ELOVL2: variants seen among roughly 807,000 people sequenced by gnomAD.
The protein encoded by ELOVL2 is very long chain fatty acid elongase 2.
In ELOVL2, 38 loss-of-function variants were observed where a neutral mutation model predicts 37.7. The ratio of observed to expected loss-of-function variants is 1.01; its 90% CI spans 0.78 to 1.32. The LOEUF (loss-of-function observed/expected upper bound fraction) is 1.32, where lower values mean the gene tolerates loss of function less well. Among genes scored for constraint, ELOVL2 ranks in the 40% most tolerant of loss-of-function variants. ELOVL2 has a pLI of 0.00. For missense variants in ELOVL2, 352 were observed against 363.6 expected, an observed-to-expected ratio of 0.97 and a Z score of 0.26; for synonymous variants, 115 against 122.3, an observed-to-expected ratio of 0.94 and a Z score of 0.40.
chr6:10,993,069 A>G (rs1290409645), intron 5 of ELOVL2, among the ~76,000 whole-genome samples: 1 of 152,048 alleles, frequency 6.6e-6, no homozygotes, highest in African/African-American at 2.4e-5. Context: ...TTATGAAGAA[A>G]ATTTAAATAT....
At chr6:11,020,321 G>A (rs1012280773) in intron 1 of ELOVL2, among the ~76,000 whole-genome samples, 10 of 152,142 alleles carry the variant, frequency 6.6e-5, no homozygotes, top group African/African-American at 2.4e-4. Context: ...TAAGTGAAAA[G>A]TAACTTAAAT....
intron 5 of ELOVL2, among the ~76,000 whole-genome samples, chr6:10,991,986 CTA>C (rs1782168561): frequency 6.6e-6 from 1 of 152,194 alleles, no homozygotes; most frequent in African/African-American, 2.4e-5. Context: ...ATTTACAGGA[CTA>C]TGTCTGTACA....
intron 1 of ELOVL2, among the ~76,000 whole-genome samples, chr6:11,037,907 T>C (rs1286936301): frequency 6.6e-6 from 1 of 152,236 alleles, no homozygotes; most frequent in East Asian, 1.9e-4. Flanking sequence ...TATCCATATC[T>C]ATCTATCCAT....
chr6:11,015,177 G>A (rs921438922), intron 1 of ELOVL2, among the ~76,000 whole-genome samples: 3 of 152,108 alleles, frequency 2.0e-5, no homozygotes, highest in African/African-American at 4.8e-5. Flanking sequence ...ACAGAGAGGA[G>A]ATCAGTGGTT....
At position 10,990,311 on chromosome 6, in the gene ELOVL2, A is replaced by G; in HGVS notation, c.630+7T>C. 1 of 1,608,976 alleles carries G rather than the reference A, an allele frequency of 6.2e-7. No individual in the cohort carries two copies. The highest frequency in any genetic ancestry group is 1.1e-5 in the South Asian group (1 of 89,216). ...ATGGAGAAAAGCTAAAAGAAGGGAC[A>G]ACATACCAGCTGAGCCTGTGTGAGA... On this transcript the variant is annotated splice_region_variant and intron_variant, in intron 6 of 7. Coordinates refer to ENST00000354666, the MANE Select transcript of ELOVL2 (RefSeq NM_017770.4).
chr6:10,989,883 C>T (rs1272894605), intron 6 of ELOVL2, 46 bp from the exon 7 acceptor site: 1 of 1,609,778 alleles, frequency 6.2e-7, no homozygotes, highest in Admixed American at 1.7e-5. Flanking sequence ...CCAGGCTGTG[C>T]CACACAGACA....
intron 1 of ELOVL2, among the ~76,000 whole-genome samples, chr6:11,021,848 T>C (rs1215950565): frequency 6.6e-6 from 1 of 152,200 alleles, no homozygotes; most frequent in African/African-American, 2.4e-5. Context: ...CAGAATCCTC[T>C]GCAAACTGGC....
At chr6:10,997,661 G>T (rs1484905958) in intron 4 of ELOVL2, among the ~76,000 whole-genome samples, 1 of 152,108 alleles carries the variant, frequency 6.6e-6, no homozygotes, top group East Asian at 1.9e-4. Flanking sequence ...CATGCGTTTT[G>T]TTACTGGCAA....
intron 1 of ELOVL2, among the ~76,000 whole-genome samples, chr6:11,036,944 G>C (rs184615716): frequency 2.6e-5 from 4 of 151,638 alleles, no homozygotes; most frequent in Admixed American, 2.6e-4. Flanking sequence ...GAGAGATGGA[G>C]AGGAGAGAGA....
At chr6:10,986,138 G>A (rs555883082) in intron 7 of ELOVL2, among the ~76,000 whole-genome samples, 10 of 152,194 alleles carry the variant, frequency 6.6e-5, no homozygotes, top group African/African-American at 2.4e-4. Context: ...CTCATGATTT[G>A]GCTCTCTGTT....
chr6:11,016,435 C>G (rs1252326094), intron 1 of ELOVL2, among the ~76,000 whole-genome samples: 1 of 152,166 alleles, frequency 6.6e-6, no homozygotes, highest in Non-Finnish European at 1.5e-5. Context: ...AAGACTTTGT[C>G]TTTTCTTTTT....
chr6:11,039,437 T>C (rs1483506906), intron 1 of ELOVL2, among the ~76,000 whole-genome samples: 1 of 152,210 alleles, frequency 6.6e-6, no homozygotes, highest in African/African-American at 2.4e-5. Context: ...TATTTCTCTG[T>C]TACTATTTTT....
intron 1 of ELOVL2, among the ~76,000 whole-genome samples, chr6:11,029,328 C>A (rs1038110026): frequency 6.6e-6 from 1 of 151,252 alleles, no homozygotes; most frequent in Non-Finnish European, 1.5e-5. Context: ...GACACTAAGT[C>A]GCTGCGTAAC....
chr6:11,011,493 A>G (rs375546977), intron 1 of ELOVL2, among the ~76,000 whole-genome samples: 2 of 152,210 alleles, frequency 1.3e-5, no homozygotes, highest in Non-Finnish European at 2.9e-5. Flanking sequence ...TGGGTAGGCA[A>G]TAGAGAACAT....
Position 11,023,689 on chromosome 6 carries a change from C to A in ELOVL2, c.4-12880G>T, listed in dbSNP as rs545162617. On this transcript the variant is annotated intron_variant, in intron 1 of 7. Coordinates refer to ENST00000354666, the MANE Select transcript of ELOVL2 (RefSeq NM_017770.4). The stretch of plus-strand genomic sequence containing the variant: ...CCTGCTGAATGAAATCTTCAGCACG[C>A]GCTGTTTTGTTTGGCAGGACATTAC... Among the ~76,000 whole-genome samples, 509 of 152,278 alleles carry A rather than the reference C, an allele frequency of 3.3e-3. 3 individuals are homozygous for A. The highest frequency in any genetic ancestry group is 3.7e-3 in the Non-Finnish European group (253 of 68,018).
intron 1 of ELOVL2, among the ~76,000 whole-genome samples, chr6:11,014,474 A>G (rs1360824518): frequency 6.7e-6 from 1 of 150,166 alleles, no homozygotes; most frequent in Non-Finnish European, 1.5e-5. Flanking sequence ...GTGAGACTCT[A>G]TCAAAAAAAC....
At position 11,005,516 on chromosome 6, in the gene ELOVL2, A is replaced by G; in HGVS notation, c.111T>C (p.Pro37=). ...GATACATGACAGTAAGAAAAAAGGT[A>G]GGAAGGTAAGAGTCCAACATGAACC... ...RGWFMLDSYL[P]TFFLTVMYLL... Residue 37 remains proline (P), a synonymous_variant, in exon 3 of 8, where the codon CCT becomes CCC. Coordinates refer to ENST00000354666, the MANE Select transcript of ELOVL2 (RefSeq NM_017770.4). 1 of 1,614,136 alleles carries G rather than the reference A, an allele frequency of 6.2e-7. No individual in the cohort carries two copies. Among genetic ancestry groups the G allele is most frequent in the East Asian group, 2.2e-5 (1 of 44,886 alleles).
intron 5 of ELOVL2, among the ~76,000 whole-genome samples, chr6:10,993,898 G>T (rs1459139438): frequency 3.3e-5 from 4 of 121,428 alleles, no homozygotes; most frequent in Non-Finnish European, 6.6e-5. Context: ...GTAGAGATGG[G>T]ATTTTGCCAT....
At chr6:10,993,327 G>C (rs1007063073) in intron 5 of ELOVL2, among the ~76,000 whole-genome samples, 2 of 152,168 alleles carry the variant, frequency 1.3e-5, no homozygotes, top group East Asian at 1.9e-4. Context: ...TTCATGTAGA[G>C]AGCTCTCTTT....
Sources: allele counts gnomAD v4.1 joint callset (sites outside exome capture counted in the v4.1 genomes callset), GRCh38; gene constraint gnomAD v4.1.1; transcripts MANE v1.5; gene names NCBI Gene and HGNC (gene_info 2026-07-23, HGNC 2026-07-21).